LHX9: variants seen among roughly 807,000 people sequenced by gnomAD.
The protein encoded by LHX9 is LIM/homeobox protein Lhx9.
In LHX9, 9 loss-of-function variants were observed where a neutral mutation model predicts 36.5. That is an observed-to-expected ratio of 0.25 (90% confidence interval 0.15 to 0.43). The LOEUF (loss-of-function observed/expected upper bound fraction) is 0.43, where lower values mean the gene tolerates loss of function less well. Ranked by LOEUF, LHX9 falls within the 20% of genes least tolerant of loss-of-function variation. LHX9 has a pLI of 1.00. For synonymous variants in LHX9, 211 were observed against 212.1 expected (o/e 0.99, Z 0.04); for missense variants, 464 against 526.4 (o/e 0.88, Z 1.16).
In LHX9 at chr1:197,917,775, T is replaced by C. The variant is rs957620046; in HGVS notation, c.-49T>C. ...GCTCCTACAGGGCAGCCCTCTCTGGTCCCTTGCCTCCTTCACTCGGATGAG... is the reference window on the plus strand; with the variant it reads ...GCTCCTACAGGGCAGCCCTCTCTGGCCCCTTGCCTCCTTCACTCGGATGAG... On this transcript the variant is annotated 5_prime_UTR_variant, in exon 1 of 5. Coordinates refer to ENST00000367387, the MANE Select transcript of LHX9 (RefSeq NM_020204.3). 63 of 1,613,672 alleles carry C rather than the reference T, an allele frequency of 3.9e-5. No homozygotes were observed. The highest frequency in any genetic ancestry group is 5.3e-5 in the Non-Finnish European group (63 of 1,179,878).
chr1:197,920,212 A>C, intron 2 of LHX9, 38 bp downstream of exon 2: 1 of 1,592,872 alleles, frequency 6.3e-7, no homozygotes, highest in Non-Finnish European at 8.6e-7. Flanking sequence ...GCCCGAGTAC[A>C]CCTGGAGGGG....
upstream of LHX9, among the ~76,000 whole-genome samples, chr1:197,915,287 ACTCCTCCTCCTCCTCCTCTTTCTCCCT>A (rs1659713516): frequency 6.6e-6 from 1 of 151,018 alleles, no homozygotes; most frequent in Non-Finnish European, 1.5e-5. Context: ...CTTCTCAGAG[ACTCCTCCTCCTCCTCCTCTTTCTCCCT>A]CTCCTCCTCC....
intron 1 of LHX9, among the ~76,000 whole-genome samples, chr1:197,919,472 C>T (rs910025874): frequency 6.6e-6 from 1 of 152,192 alleles, no homozygotes; most frequent in Non-Finnish European, 1.5e-5. Flanking sequence ...GAGCAGAGGT[C>T]CAATAATCTC....
At position 197,929,081 on chromosome 1, in the gene LHX9, G is replaced by T. The variant is rs1212105349; in HGVS notation, c.1016G>T (p.Gly339Val). ...AATGGGGGTGTTGATAAAGCTGACG[G>T]CACGTCGCTTCCGGCCCCGCCCTCA... ...QENGGVDKAD[G>V]TSLPAPPSAD... Residue 339 changes from glycine to valine, a missense_variant, in exon 5 of 5, where the codon GGC becomes GTC. By Grantham distance (109) the Gly-to-Val change is moderately radical. Around this residue, in one of 5 missense-constraint regions of LHX9, gnomAD observed 102 missense variants for 97.0 expected, o/e 1.05. Transcript: ENST00000367387. 1 of 1,613,554 alleles carries T rather than the reference G, an allele frequency of 6.2e-7. No individual in the cohort carries two copies. Among genetic ancestry groups the T allele is most frequent in the Admixed American group, 1.7e-5 (1 of 59,898 alleles).
At position 197,927,745 on chromosome 1, in the gene LHX9, C is replaced by T. The variant is rs995513148; in HGVS notation, c.888C>T (p.Asp296=). Reference sequence around the variant, plus strand: ...TCAACCACAACCCGGATGCCAAGGACCTCAAGCAGCTTGCCCAGAAAACAG... The same window carrying T: ...TCAACCACAACCCGGATGCCAAGGATCTCAAGCAGCTTGCCCAGAAAACAG... ...FAINHNPDAK[D]LKQLAQKTGL... Residue 296 remains aspartate, a synonymous_variant, in exon 4 of 5, where the codon GAC becomes GAT. Coordinates refer to ENST00000367387, the MANE Select transcript of LHX9 (RefSeq NM_020204.3). The T allele has an allele frequency of 1.2e-6, 2 of 1,614,216 alleles. No individual in the cohort carries two copies. The highest frequency in any genetic ancestry group is 2.2e-5 in the East Asian group (1 of 44,886).
chr1:197,918,957 G>A (rs545406034), intron 1 of LHX9, among the ~76,000 whole-genome samples: 1 of 152,228 alleles, frequency 6.6e-6, no homozygotes, highest in Admixed American at 6.5e-5. Context: ...AGCCCAACTG[G>A]TGAACGTGTC....
chr1:197,933,479 T>A lies in LHX9; in HGVS notation c.*4220T>A, dbSNP rs140977299. On this transcript the variant is annotated 3_prime_UTR_variant, in exon 5 of 5. Coordinates refer to ENST00000367387, the MANE Select transcript of LHX9 (RefSeq NM_020204.3). ...GCCTCATTGAAACCTCATCCACAGC[T>A]ATAGCAACTTAAATAGATTTTCCAA... The A allele has an allele frequency of 5.9e-5, 9 of 152,264 alleles. No individual in the cohort carries two copies. The East Asian group carries it at 1.7e-3, about 29-fold the overall frequency. The allele number at this position is 152,264 out of a possible 1,614,324, so 9.4% of individuals were successfully genotyped here. A position where few individuals can be genotyped will look rare whatever the true frequency, so the allele number is the denominator to read the frequency against.
Position 197,921,737 on chromosome 1 carries a change from G to C in LHX9, c.733+78G>C. 8.1e-7 allele frequency: 1 copy of C among 1,228,342 alleles called. No individual in the cohort carries two copies. The highest frequency in any genetic ancestry group is 1.5e-5 in the South Asian group (1 of 65,516). 76.1% of individuals were successfully genotyped at this position (1,228,342 alleles called of 1,614,324 possible). ...TCGTAGAGCTCCTTCCCCGTCCAAA[G>C]TCTTGCTGCAAGAGTGTGTTTTGCC... On this transcript the variant is annotated intron_variant, in intron 3 of 4. Coordinates refer to ENST00000367387, the MANE Select transcript of LHX9 (RefSeq NM_020204.3). The surrounding 1 kb of genome is among the most constrained non-coding windows in gnomAD (Gnocchi z 4.6).
chr1:197,918,965 G>T (rs1200962275), intron 1 of LHX9, among the ~76,000 whole-genome samples: 1 of 152,084 alleles, frequency 6.6e-6, no homozygotes, highest in Non-Finnish European at 1.5e-5. Flanking sequence ...TGGTGAACGT[G>T]TCTATATTTG....
rs577856015 is a variant in LHX9 at position 197,917,972 on chromosome 1, G to A, written c.149G>A (p.Gly50Asp). ...RSKTEARLAK[G>D]AQLNGRDAGM... Reference sequence around the variant, plus strand: ...AAGACTGAGGCCCGTCTGGCCAAAGGCGCCCAGCTCAACGGCCGCGACGCG... The same window carrying A: ...AAGACTGAGGCCCGTCTGGCCAAAGACGCCCAGCTCAACGGCCGCGACGCG... Residue 50 changes from glycine (G) to aspartate (D), a missense_variant, in exon 1 of 5, where the codon GGC becomes GAC. Gly to Asp is a moderately conservative substitution (Grantham distance 94). Transcript: ENST00000367387. The A allele has an allele frequency of 6.2e-7, 1 of 1,613,756 alleles. No individual in the cohort carries two copies. The highest frequency in any genetic ancestry group is 1.3e-5 in the African/African-American group (1 of 75,012).
chr1:197,929,390 C>A lies in LHX9; in HGVS notation c.*131C>A. The A allele has an allele frequency of 8.5e-7, 1 of 1,182,954 alleles. No individual in the cohort carries two copies. Among genetic ancestry groups the A allele is most frequent in the Non-Finnish European group, 1.0e-6 (1 of 962,476 alleles). The allele number at this position is 1,182,954 out of a possible 1,614,324, so 73.3% of individuals were successfully genotyped here. On this transcript the variant is annotated 3_prime_UTR_variant, in exon 5 of 5. Transcript: ENST00000367387. ...CAAGATATTTGGGGAATAAAAATAACAGCTTGGTGTGTAGCATCTGCAGCC... is the reference window on the plus strand; with the variant it reads ...CAAGATATTTGGGGAATAAAAATAAAAGCTTGGTGTGTAGCATCTGCAGCC...
At position 197,921,673 on chromosome 1, in the gene LHX9, C is replaced by T. The variant is rs1283879627; in HGVS notation, c.733+14C>T. On this transcript the variant is annotated intron_variant, in intron 3 of 4. Coordinates refer to ENST00000367387, the MANE Select transcript of LHX9 (RefSeq NM_020204.3). The surrounding 1 kb of genome is among the most constrained non-coding windows in gnomAD (Gnocchi z 4.6). ...ATTACAACTCAGGTGTGCCTCCTAT[C>T]CTCACCCCCGGCGCAGCCCCGGCCT... is the stretch of plus-strand genomic sequence containing the variant. The T allele has an allele frequency of 1.3e-5, 20 of 1,545,630 alleles. No individual in the cohort carries two copies. The highest frequency in any genetic ancestry group is 3.6e-5 in the Admixed American group (2 of 55,166).
chr1:197,920,512 C>T (rs190484835), intron 2 of LHX9, among the ~76,000 whole-genome samples: 28 of 152,140 alleles, frequency 1.8e-4, no homozygotes, highest in Admixed American at 1.2e-3. Flanking sequence ...GTTTGTTTTC[C>T]GCTTGCTACG....
At chr1:197,917,360 T>A (rs1183535468), upstream of LHX9, 1 of 1,293,880 alleles carries the variant, frequency 7.7e-7, no homozygotes, top group Admixed American at 2.6e-5. Flanking sequence ...TGGACACAGC[T>A]CAGGCAGGAG....
At chr1:197,922,278 T>G (rs1040876450) in intron 3 of LHX9, among the ~76,000 whole-genome samples, 1 of 152,130 alleles carries the variant, frequency 6.6e-6, no homozygotes, top group Non-Finnish European at 1.5e-5. Context: ...TCATTCCCGG[T>G]GTGATAGACC....
chr1:197,921,527 T>C lies in LHX9; in HGVS notation c.601T>C (p.Tyr201His), dbSNP rs762944767. ...AGGAGAGTATCCACCGCAGCTGAGC[T>C]ACACGGAGCTGGCGGCCAAGAGCGG... ...LQGEYPPQLSYTELAAKSGGL... is the reference protein window; with the variant it reads ...LQGEYPPQLSHTELAAKSGGL... The change falls in exon 3 of 5, where the codon TAC (tyrosine) becomes CAC (histidine). Residue 201 changes from tyrosine to histidine, a missense_variant. This residue lies in a region of LHX9 where 130 missense variants were observed against 109.6 expected (regional missense o/e 1.19). Transcript: ENST00000367387. The surrounding 1 kb of genome is among the most constrained non-coding windows in gnomAD (Gnocchi z 4.6). 1.9e-6 allele frequency: 3 copies of C among 1,614,046 alleles called. No individual in the cohort carries two copies. In the South Asian group the frequency reaches 3.3e-5, roughly 18 times the overall value.
Position 197,929,905 on chromosome 1 carries a change from TA to T in LHX9, c.*647del. The T allele has an allele frequency of 1.0e-6, 1 of 972,020 alleles. No homozygotes were observed. Among genetic ancestry groups the T allele is most frequent in the African/African-American group, 1.8e-5 (1 of 57,088 alleles). 60.2% of individuals were successfully genotyped at this position (972,020 alleles called of 1,614,324 possible). A position where few individuals can be genotyped will look rare whatever the true frequency, so the allele number is the denominator to read the frequency against. On this transcript the variant is annotated 3_prime_UTR_variant, in exon 5 of 5. Transcript: ENST00000367387. ...ACAGGAATGTGACTTTTCCTTCTCT[TA>T]GGGGTGTACAACTCTAAAAACTTTT...
intron 3 of LHX9, among the ~76,000 whole-genome samples, chr1:197,927,292 A>AC (rs1472885583): frequency 1.3e-5 from 2 of 152,144 alleles, no homozygotes; most frequent in African/African-American, 2.4e-5. Flanking sequence ...TCTCACTCCC[A>AC]CCTTACTACT....
In LHX9 at chr1:197,934,175, C is replaced by T. The variant is rs184494570; in HGVS notation, c.*4916C>T. ...TTAGGTGATTTTTCATCACCTAAAA[C>T]ATAAATAGCTTTATTTAGCAAAATC... On this transcript the variant is annotated 3_prime_UTR_variant, in exon 5 of 5. Transcript: ENST00000367387. 3.9e-4 allele frequency: 60 copies of T among 152,286 alleles called. No individual in the cohort carries two copies. Among genetic ancestry groups the T allele is most frequent in the African/African-American group, 1.4e-3 (57 of 41,574 alleles). The allele number at this position is 152,286 out of a possible 1,614,324, so 9.4% of individuals were successfully genotyped here.
Sources: gnomAD v4.1 joint callset for allele counts (sites outside exome capture counted in the v4.1 genomes callset) on GRCh38, gnomAD v4.1.1 for gene constraint, gnomAD v4.1.1 regional missense constraint, Gnocchi (gnomAD v3.1) non-coding constraint, MANE v1.5 for transcripts, NCBI Gene and HGNC (gene_info 2026-07-23, HGNC 2026-07-21) for gene names.